Variants in ARHGAP23 observed in about 807,000 individuals in gnomAD.
ARHGAP23 encodes the protein Rho GTPase activating protein 23.
In ARHGAP23, 34 loss-of-function variants were observed where a neutral mutation model predicts 136.3. That is an observed-to-expected ratio of 0.25 (90% CI 0.19 to 0.33). The LOEUF (loss-of-function observed/expected upper bound fraction) is 0.33. Ranked by LOEUF, ARHGAP23 falls within the 10% of genes least tolerant of loss-of-function variation. The probability of loss-of-function intolerance (pLI) is 1.00; values close to 1 mark genes in which losing one functional copy is unlikely to be tolerated. For synonymous variants in ARHGAP23, 832 were observed against 920.5 expected (o/e 0.90, Z 1.74); for missense variants, 1,808 against 2,139.0 (o/e 0.85, Z 3.05).
At chr17:38,428,452 C>G (rs1032571762), upstream of ARHGAP23, 16 of 1,402,678 alleles carry the variant, frequency 1.1e-5, no homozygotes, top group East Asian at 3.2e-5. Flanking sequence ...CGCCCCCAGC[C>G]GTGCCCCGGC....
chr17:38,479,580 C>G (rs2144707810), intron 13 of ARHGAP23, 83 bp downstream of exon 13: 3 of 1,471,468 alleles, frequency 2.0e-6, no homozygotes, highest in Non-Finnish European at 2.8e-6. Flanking sequence ...TGGCCCACCT[C>G]CAGGGCTGCC....
chr17:38,460,753 C>T lies in ARHGAP23; in HGVS notation c.226-152C>T, dbSNP rs550251757. On this transcript the variant is annotated intron_variant, in intron 2 of 23. Transcript: ENST00000622683. The stretch of plus-strand genomic sequence containing the variant: ...ACTTGGCCTCGGACTTGGTGCCCCT[C>T]GGACACCCCTCCCGCACCCTCCCCT... Among the ~76,000 whole-genome samples, 19 of 152,212 alleles carry T rather than the reference C, an allele frequency of 1.2e-4. No individual in the cohort carries two copies. The East Asian group carries it at 3.1e-3, about 25-fold the overall frequency.
chr17:38,437,048 G>T (rs546778249), intron 1 of ARHGAP23, among the ~76,000 whole-genome samples: 3 of 152,088 alleles, frequency 2.0e-5, no homozygotes, highest in Non-Finnish European at 4.4e-5. Flanking sequence ...TCATAAAGGG[G>T]GTGTATAATT....
intron 22 of ARHGAP23, chr17:38,498,789 C>T (rs1243967825): frequency 1.5e-6 from 1 of 650,536 alleles, no homozygotes; most frequent in Admixed American, 2.4e-5. Flanking sequence ...CCTTTAATTT[C>T]TCATGGGCTG....
Position 38,477,973 on chromosome 17 carries a change from G to A in ARHGAP23, c.2436+77G>A. The A allele has an allele frequency of 4.9e-6, 7 of 1,421,848 alleles. No individual in the cohort carries two copies. Among genetic ancestry groups the A allele is most frequent in the Non-Finnish European group, 6.8e-6 (7 of 1,034,436 alleles). 88.1% of individuals were successfully genotyped at this position (1,421,848 alleles called of 1,614,324 possible). On this transcript the variant is annotated intron_variant, in intron 12 of 23. Coordinates refer to ENST00000622683, the MANE Select transcript of ARHGAP23 (RefSeq NM_001199417.2). The surrounding 1 kb of genome is among the most constrained non-coding windows in gnomAD (Gnocchi z 6.6). ...CACCGGCTGTGGACCTGGGATGCCC[G>A]CTCTGAGCCTCACTTCCCTCTGCTA...
intron 15 of ARHGAP23, 135 bp from the exon 16 acceptor site, chr17:38,482,388 A>C: frequency 1.9e-6 from 2 of 1,059,604 alleles, no homozygotes; most frequent in Non-Finnish European, 2.7e-6. Flanking sequence ...TAGCTCCCAG[A>C]CTGGAGGCAG....
chr17:38,428,385 C>G (rs1304581453), upstream of ARHGAP23: 13 of 409,896 alleles, frequency 3.2e-5, no homozygotes, highest in African/African-American at 2.7e-4. Context: ...CGGGGGGGGC[C>G]CCCCCACACC....
At chr17:38,506,660 A>G (rs1170405293) in intron 23 of ARHGAP23, among the ~76,000 whole-genome samples, 2 of 152,214 alleles carry the variant, frequency 1.3e-5, no homozygotes, top group African/African-American at 4.8e-5. Context: ...AGAGCGCAAG[A>G]GAGCCCAAGC....
At chr17:38,486,232 CTTT>C (rs71138626) in intron 17 of ARHGAP23, 92 bp downstream of exon 17, 5,773 of 775,620 alleles carry the variant, frequency 7.4e-3, no homozygotes, top group Non-Finnish European at 8.5e-3. Context: ...TGGTTTTACT[CTTT>C]TTTTTTTTTT....
At chr17:38,448,487 T>C (rs968230424) in intron 1 of ARHGAP23, among the ~76,000 whole-genome samples, 2 of 152,120 alleles carry the variant, frequency 1.3e-5, no homozygotes, top group African/African-American at 4.8e-5. Flanking sequence ...TACCATTTTA[T>C]TGATGAGGAA....
intron 1 of ARHGAP23, among the ~76,000 whole-genome samples, chr17:38,435,018 A>G (rs1213545473): frequency 6.6e-6 from 1 of 152,212 alleles, no homozygotes; most frequent in Non-Finnish European, 1.5e-5. Flanking sequence ...AAGGAGGAGG[A>G]AAGCTACCCA....
intron 1 of ARHGAP23, among the ~76,000 whole-genome samples, chr17:38,453,340 G>T (rs992409904): frequency 3.3e-5 from 5 of 151,776 alleles, no homozygotes; most frequent in Non-Finnish European, 7.4e-5. Flanking sequence ...AGTGGGTAGG[G>T]TGTGCAGCAG....
At chr17:38,499,430 G>A (rs1261870419) in intron 22 of ARHGAP23, among the ~76,000 whole-genome samples, 2 of 152,226 alleles carry the variant, frequency 1.3e-5, no homozygotes, top group Admixed American at 1.3e-4. Flanking sequence ...CCCTCTCATG[G>A]CAGAGGACAG....
chr17:38,474,444 G>A (rs903291098), intron 11 of ARHGAP23, among the ~76,000 whole-genome samples: 134 of 152,220 alleles, frequency 8.8e-4, no homozygotes, highest in Admixed American at 1.6e-3. Context: ...AGGAGGAGGC[G>A]ATAAGGTTCC....
At chr17:38,493,640 G>A (rs2040327417) in intron 20 of ARHGAP23, among the ~76,000 whole-genome samples, 1 of 152,202 alleles carries the variant, frequency 6.6e-6, no homozygotes, top group Non-Finnish European at 1.5e-5. Context: ...CTGAAAGCCT[G>A]CCCACCCAAG....
At chr17:38,427,159 A>C (rs1445671344), upstream of ARHGAP23, among the ~76,000 whole-genome samples, 1 of 152,182 alleles carries the variant, frequency 6.6e-6, no homozygotes, top group South Asian at 2.1e-4. Context: ...TTTTCTAGCT[A>C]TTTTCTAATA....
chr17:38,483,597 G>C (rs996611643), intron 16 of ARHGAP23, among the ~76,000 whole-genome samples: 1 of 152,252 alleles, frequency 6.6e-6, no homozygotes, highest in African/African-American at 2.4e-5. Context: ...CCGTGAACGT[G>C]GGCAGTGATG....
At chr17:38,498,367 G>C in intron 21 of ARHGAP23, 47 bp from the exon 22 acceptor site, 1 of 1,465,896 alleles carries the variant, frequency 6.8e-7, no homozygotes, top group Non-Finnish European at 9.2e-7. Flanking sequence ...GGGGTTGGCA[G>C]CCCAGCATCT....
intron 1 of ARHGAP23, among the ~76,000 whole-genome samples, chr17:38,447,392 A>C (rs1338964239): frequency 7.4e-6 from 1 of 134,346 alleles, no homozygotes; most frequent in Non-Finnish European, 1.6e-5. Flanking sequence ...CAGTGAGCCG[A>C]GATCTCGCCA....
Sources: allele counts gnomAD v4.1 joint callset (sites outside exome capture counted in the v4.1 genomes callset), GRCh38; gene constraint gnomAD v4.1.1; non-coding constraint Gnocchi (gnomAD v3.1); transcripts MANE v1.5; gene names NCBI Gene and HGNC (gene_info 2026-07-23, HGNC 2026-07-21).